The following PCDHGA9 variants were observed in gnomAD, a reference collection of about 807,000 sequenced individuals.
The protein encoded by PCDHGA9 is protocadherin gamma-A9.
PCDHGA9 carries 37 observed loss-of-function variants against 62.5 expected under a neutral mutation model. That is an observed-to-expected ratio of 0.59 (90% CI 0.46 to 0.78). The LOEUF (loss-of-function observed/expected upper bound fraction) is 0.78, where lower values mean the gene tolerates loss of function less well. Among genes scored for constraint, PCDHGA9 ranks in the 30% least tolerant of loss-of-function variants. The pLI is 0.00. For missense variants in PCDHGA9, 1,138 were observed against 1,166.2 expected, an observed-to-expected ratio of 0.98 and a Z score of 0.35; for synonymous variants, 459 against 484.6, an observed-to-expected ratio of 0.95 and a Z score of 0.69.
intron 1 of PCDHGA9, among the ~76,000 whole-genome samples, chr5:141,463,479 C>T (rs1162346496): frequency 4.1e-5 from 5 of 120,544 alleles, no homozygotes; most frequent in Non-Finnish European, 8.1e-5. Flanking sequence ...GATGGAGTCT[C>T]GCTCTGTCAC....
At chr5:141,433,607 G>T (rs1209706866) in intron 1 of PCDHGA9, among the ~76,000 whole-genome samples, 1 of 152,080 alleles carries the variant, frequency 6.6e-6, no homozygotes. Flanking sequence ...AGGCCGAGGC[G>T]GGTGGATCAC....
intron 1 of PCDHGA9, among the ~76,000 whole-genome samples, chr5:141,465,788 T>A (rs1322471400): frequency 6.6e-6 from 1 of 152,110 alleles, no homozygotes; most frequent in Non-Finnish European, 1.5e-5. Context: ...AGTTTTTTTT[T>A]TTTTAAGAAA....
chr5:141,509,207 A>C (rs1263006059), intron 3 of PCDHGA9, among the ~76,000 whole-genome samples: 2 of 151,694 alleles, frequency 1.3e-5, no homozygotes, highest in Non-Finnish European at 2.9e-5. Context: ...CTGTCTCTCT[A>C]TTTCTCAATC....
Position 141,477,771 on chromosome 5 carries a change from G to A in PCDHGA9, c.2425-17036G>A. 1 of 1,613,992 alleles carries A rather than the reference G, an allele frequency of 6.2e-7. No homozygotes were observed. The highest frequency in any genetic ancestry group is 1.3e-5 in the African/African-American group (1 of 75,054). ...ACCCCGGTCCTAGCCACCAACATCA[G>A]CGTGAACATATTTGTCACTGATCGC... On this transcript the variant is annotated intron_variant, in intron 1 of 3. Transcript: ENST00000573521. This position sits in a 1 kb window ranked among gnomAD's most constrained non-coding sequence, Gnocchi z 4.9.
chr5:141,419,402 T>G (rs2096376244), intron 1 of PCDHGA9: 1 of 1,613,378 alleles, frequency 6.2e-7, no homozygotes, highest in African/African-American at 1.3e-5. Flanking sequence ...CGGGGTGGTG[T>G]TCGCGCAGCG....
At chr5:141,464,470 C>T (rs1175806879) in intron 1 of PCDHGA9, among the ~76,000 whole-genome samples, 3 of 151,194 alleles carry the variant, frequency 2.0e-5, no homozygotes, top group Non-Finnish European at 2.9e-5. Flanking sequence ...GAAGTATGTA[C>T]GTATAATAAA....
chr5:141,403,951 G>C lies in PCDHGA9; in HGVS notation c.999G>C (p.Val333=). 6.2e-7 allele frequency: 1 copy of C among 1,613,882 alleles called. No homozygotes were observed. ...GGGGATTGAAAGGGTGGACAAAAGTGCTCATTTCGGTGGAAGATGTAAATG... is the reference window on the plus strand; with the variant it reads ...GGGGATTGAAAGGGTGGACAAAAGTCCTCATTTCGGTGGAAGATGTAAATG... ...DGGGLKGWTK[V]LISVEDVNDN... The change falls in exon 1 of 4, where the codon GTG becomes GTC. Residue 333 remains valine, a synonymous_variant. Transcript: ENST00000573521.
Position 141,491,009 on chromosome 5 carries a change from C to A in PCDHGA9, c.2425-3798C>A. On this transcript the variant is annotated intron_variant, in intron 1 of 3. Transcript: ENST00000573521. This position sits in a 1 kb window ranked among gnomAD's most constrained non-coding sequence, Gnocchi z 6.9. ...TCTGCTCCTCCTGGCTCCTTGGTCA[C>A]CAAGGTGACAGCCGTGGATGCTGAT... 4 of 1,614,140 alleles carry A rather than the reference C, an allele frequency of 2.5e-6. No homozygotes were observed. Among genetic ancestry groups the A allele is most frequent in the Non-Finnish European group, 3.4e-6 (4 of 1,180,038 alleles).
At position 141,403,870 on chromosome 5, in the gene PCDHGA9, T is replaced by A; in HGVS notation, c.918T>A (p.Ser306Arg). 6.2e-7 allele frequency: 1 copy of A among 1,613,498 alleles called. No individual in the cohort carries two copies. Among genetic ancestry groups the A allele is most frequent in the African/African-American group, 1.3e-5 (1 of 74,918 alleles). Residue 306 changes from serine to arginine, a missense_variant, in exon 1 of 4, where the codon AGT becomes AGA. By Grantham distance (110) the Ser-to-Arg change is moderately radical. Transcript: ENST00000573521. Reference protein sequence around the residue: ...ENTGEISTAKSLDYEECSFYE... With the variant: ...ENTGEISTAKRLDYEECSFYE... Reference sequence around the variant, plus strand: ...CTGGGGAAATATCAACAGCAAAAAGTCTAGATTATGAAGAATGTTCATTTT... The same window carrying A: ...CTGGGGAAATATCAACAGCAAAAAGACTAGATTATGAAGAATGTTCATTTT...
At position 141,432,374 on chromosome 5, in the gene PCDHGA9, C is replaced by G; in HGVS notation, c.2424+26998C>G. The G allele has an allele frequency of 6.2e-7, 1 of 1,614,240 alleles. No individual in the cohort carries two copies. The highest frequency in any genetic ancestry group is 1.1e-5 in the South Asian group (1 of 91,082). ...GAAAGTGATGGCGCGGGACAACGGG[C>G]ACCCGCCCCTCAGCAGCAACGTGTC... On this transcript the variant is annotated intron_variant, in intron 1 of 3. Transcript: ENST00000573521. The surrounding 1 kb of genome is among the most constrained non-coding windows in gnomAD (Gnocchi z 6.0).
chr5:141,421,280 G>T (rs564480755), intron 1 of PCDHGA9: 1 of 1,612,948 alleles, frequency 6.2e-7, no homozygotes, highest in African/African-American at 1.3e-5. Context: ...CTGCTGCTGT[G>T]CATTTTCCTG....
At chr5:141,419,114 A>G in intron 1 of PCDHGA9, 1 of 1,613,926 alleles carries the variant, frequency 6.2e-7, no homozygotes. Flanking sequence ...CCCAGAGTAC[A>G]ACGTCACCAT....
At chr5:141,407,622 A>G (rs2094961891) in intron 1 of PCDHGA9, among the ~76,000 whole-genome samples, 3 of 152,316 alleles carry the variant, frequency 2.0e-5, no homozygotes, top group South Asian at 2.1e-4. Context: ...TTGACATTCT[A>G]TATCTCGTAT....
At chr5:141,413,056 T>A in intron 1 of PCDHGA9, 1 of 1,030,200 alleles carries the variant, frequency 9.7e-7, no homozygotes, top group East Asian at 2.6e-5. Flanking sequence ...GGAAGCTCAC[T>A]CCAGAATTTA....
In PCDHGA9 at chr5:141,461,525, A is replaced by T. The variant is rs966592635; in HGVS notation, c.2425-33282A>T. ...TTGGTGATTTGTTAGTTCCTTGTAGATTCTGGATACTAGTCCTTTGTCAGA... is the reference window on the plus strand; with the variant it reads ...TTGGTGATTTGTTAGTTCCTTGTAGTTTCTGGATACTAGTCCTTTGTCAGA... On this transcript the variant is annotated intron_variant, in intron 1 of 3. Coordinates refer to ENST00000573521, the MANE Select transcript of PCDHGA9 (RefSeq NM_018921.3). 5.3e-5 allele frequency among the ~76,000 whole-genome samples: 8 copies of T among 152,106 alleles called. No individual in the cohort carries two copies. The South Asian group carries it at 1.7e-3, about 31-fold the overall frequency.
chr5:141,432,665 G>A lies in PCDHGA9; in HGVS notation c.2424+27289G>A. 1 of 1,613,896 alleles carries A rather than the reference G, an allele frequency of 6.2e-7. No individual in the cohort carries two copies. Among genetic ancestry groups the A allele is most frequent in the Non-Finnish European group, 8.5e-7 (1 of 1,179,956 alleles). On this transcript the variant is annotated intron_variant, in intron 1 of 3. Coordinates refer to ENST00000573521, the MANE Select transcript of PCDHGA9 (RefSeq NM_018921.3). The surrounding 1 kb of genome is among the most constrained non-coding windows in gnomAD (Gnocchi z 6.0). ...CACGGCGCGAGCCCTGCTGGACAGA[G>A]ACGCGCTCAAGCAGAGCCTCGTAGT... is the stretch of plus-strand genomic sequence containing the variant.
chr5:141,490,042 G>C lies in PCDHGA9; in HGVS notation c.2425-4765G>C. 1 of 1,614,266 alleles carries C rather than the reference G, an allele frequency of 6.2e-7. No individual in the cohort carries two copies. Among genetic ancestry groups the C allele is most frequent in the Non-Finnish European group, 8.5e-7 (1 of 1,180,038 alleles). The stretch of plus-strand genomic sequence containing the variant: ...TCTGCTGCTCCGCCTCAATGCCACT[G>C]ATCCAGACGAGGGCACCAACGGCCA... On this transcript the variant is annotated intron_variant, in intron 1 of 3. Coordinates refer to ENST00000573521, the MANE Select transcript of PCDHGA9 (RefSeq NM_018921.3). This position sits in a 1 kb window ranked among gnomAD's most constrained non-coding sequence, Gnocchi z 5.4.
intron 1 of PCDHGA9, among the ~76,000 whole-genome samples, chr5:141,480,187 T>TGAGGCCAGCAGTTC (rs2099513839): frequency 6.6e-6 from 1 of 151,380 alleles, no homozygotes; most frequent in Admixed American, 6.6e-5. Context: ...GCGGATTGCT[T>TGAGGCCAGCAGTTC]GAGGCCAGCA....
At chr5:141,427,922 G>T (rs949317839) in intron 1 of PCDHGA9, 2 of 1,580,624 alleles carry the variant, frequency 1.3e-6, no homozygotes, top group African/African-American at 1.3e-5. Context: ...ACATGAGCCG[G>T]CGCATGTTGG....
Sources: gnomAD v4.1 joint callset for allele counts (sites outside exome capture counted in the v4.1 genomes callset) on GRCh38, gnomAD v4.1.1 for gene constraint, Gnocchi (gnomAD v3.1) non-coding constraint, MANE v1.5 for transcripts, NCBI Gene and HGNC (gene_info 2026-07-23, HGNC 2026-07-21) for gene names.